Variants in SEMA6D observed in about 807,000 individuals in gnomAD.
The protein encoded by SEMA6D is semaphorin 6D.
Under a neutral mutation model 106.6 loss-of-function variants are expected in SEMA6D, and 35 were observed. That is an observed-to-expected ratio of 0.33 (90% CI 0.25 to 0.44). The LOEUF (loss-of-function observed/expected upper bound fraction) is 0.44, where lower values mean the gene tolerates loss of function less well. Among genes scored for constraint, SEMA6D ranks in the 20% least tolerant of loss-of-function variants. SEMA6D has a pLI of 1.00. For synonymous variants in SEMA6D, 499 were observed against 487.7 expected (o/e 1.02, Z -0.31); for missense variants, 1,185 against 1,345.9 (o/e 0.88, Z 1.87).
At chr15:47,764,404 A>G (rs1438791207) in intron 11 of SEMA6D, 99 bp downstream of exon 11, 10 of 1,419,892 alleles carry the variant, frequency 7.0e-6, no homozygotes. Flanking sequence ...CTCCCACACC[A>G]GGAAGGGGTC....
At chr15:47,481,828 G>A (rs2043161434) in intron 3 of SEMA6D, among the ~76,000 whole-genome samples, 1 of 152,090 alleles carries the variant, frequency 6.6e-6, no homozygotes, top group African/African-American at 2.4e-5. Context: ...CTCTATATTT[G>A]TATACAAAAT....
intron 4 of SEMA6D, among the ~76,000 whole-genome samples, chr15:47,710,238 A>G (rs1280694897): frequency 2.6e-5 from 4 of 152,332 alleles, no homozygotes; most frequent in Non-Finnish European, 5.9e-5. Context: ...TATCTCAATG[A>G]TATAAGAGAC....
chr15:47,312,696 A>G lies in SEMA6D; in HGVS notation c.-238-99697A>G, dbSNP rs193058295. On this transcript the variant is annotated intron_variant, in intron 1 of 19. Coordinates refer to the SEMA6D transcript ENST00000558014. ...CTCTAATATCTATATTAAAAAGATA[A>G]ATTAAAACAGGAGAACATAATTTAA... 6.4e-4 allele frequency among the ~76,000 whole-genome samples: 98 copies of G among 152,330 alleles called. 1 individual carries two copies. The highest frequency in any genetic ancestry group is 2.9e-3 in the Admixed American group (45 of 15,298).
intron 4 of SEMA6D, chr15:47,604,196 A>G (rs1469909352): frequency 1.3e-5 from 2 of 152,218 alleles, no homozygotes; most frequent in African/African-American, 2.4e-5. Context: ...CTGAAAGGAT[A>G]AAGATCAAAA....
intron 1 of SEMA6D, among the ~76,000 whole-genome samples, chr15:47,343,111 C>T (rs954459254): frequency 1.3e-5 from 2 of 152,048 alleles, no homozygotes; most frequent in African/African-American, 2.4e-5. Flanking sequence ...CCTCATCTAT[C>T]TATACTTTAA....
chr15:47,557,566 A>G (rs1191877887), intron 3 of SEMA6D, among the ~76,000 whole-genome samples: 2 of 152,152 alleles, frequency 1.3e-5, no homozygotes, highest in Non-Finnish European at 2.9e-5. Context: ...CTGAATTCCA[A>G]TCTTTATAAT....
intron 1 of SEMA6D, among the ~76,000 whole-genome samples, chr15:47,723,498 T>A (rs1272220370): frequency 6.6e-6 from 1 of 152,180 alleles, no homozygotes; most frequent in Non-Finnish European, 1.5e-5. Flanking sequence ...ATGGGCCCCA[T>A]CAGCAAAGAC....
chr15:47,438,310 C>T (rs1000175979), intron 2 of SEMA6D, among the ~76,000 whole-genome samples: 2 of 152,082 alleles, frequency 1.3e-5, no homozygotes, highest in African/African-American at 4.8e-5. Flanking sequence ...CCTAAGTCAT[C>T]GCTCTTCTTT....
At chr15:47,661,771 C>A (rs1184093996) in intron 4 of SEMA6D, among the ~76,000 whole-genome samples, 1 of 152,138 alleles carries the variant, frequency 6.6e-6, no homozygotes, top group Non-Finnish European at 1.5e-5. Flanking sequence ...GTCAAAAGTG[C>A]GGGCAGGAGT....
In SEMA6D at chr15:47,521,862, G is replaced by A. The variant is rs1020865741; in HGVS notation, c.-87+51317G>A. Among the ~76,000 whole-genome samples the A allele has an allele frequency of 2.0e-5, 3 of 152,158 alleles. No homozygotes were observed. The South Asian group carries it at 6.2e-4, about 32-fold the overall frequency. ...TAGCCGGGCATGGTGGTGGGCGCCT[G>A]TAGTCCCAGCTACTCGGGAGGCTGA... On this transcript the variant is annotated intron_variant, in intron 3 of 19. Transcript: ENST00000558014.
chr15:47,766,639 C>T lies in SEMA6D; in HGVS notation c.1670C>T (p.Thr557Ile). ...AGTGCTGAAGGATATGAACAAGACA[C>T]AGAATTCGGCAACACAGCTCATCTA... ...GMLAEGYEQD[T>I]EFGNTAHLGD... Residue 557 changes from threonine to isoleucine, a missense_variant, in exon 16 of 19, where the codon ACA becomes ATA. Coordinates refer to ENST00000536845, the MANE Select transcript of SEMA6D (RefSeq NM_001358351.3). 2 of 1,612,874 alleles carry T rather than the reference C, an allele frequency of 1.2e-6. No homozygotes were observed. The highest frequency in any genetic ancestry group is 2.2e-5 in the East Asian group (1 of 44,808).
chr15:47,671,262 C>A (rs1256744376), intron 4 of SEMA6D, among the ~76,000 whole-genome samples: 1 of 152,020 alleles, frequency 6.6e-6, no homozygotes, highest in Non-Finnish European at 1.5e-5. Context: ...ATAGGGTTTC[C>A]AAGAGAGCTG....
chr15:47,445,479 C>T (rs2042002280), intron 2 of SEMA6D, among the ~76,000 whole-genome samples: 1 of 152,070 alleles, frequency 6.6e-6, no homozygotes, highest in Non-Finnish European at 1.5e-5. Context: ...AGCAACTCTT[C>T]ATTTTAACCT....
intron 4 of SEMA6D, among the ~76,000 whole-genome samples, chr15:47,676,761 CAG>C (rs567208213): frequency 3.3e-5 from 5 of 152,188 alleles, no homozygotes; most frequent in Non-Finnish European, 7.3e-5. Context: ...GATCTTGAAA[CAG>C]ATATTCATTA....
chr15:47,401,267 T>C (rs1439026751), intron 1 of SEMA6D, among the ~76,000 whole-genome samples: 1 of 152,202 alleles, frequency 6.6e-6, no homozygotes, highest in Non-Finnish European at 1.5e-5. Flanking sequence ...TAATCCCACA[T>C]TTCTTATAGA....
chr15:47,328,797 C>T (rs1481687255), intron 1 of SEMA6D, among the ~76,000 whole-genome samples: 2 of 152,202 alleles, frequency 1.3e-5, no homozygotes, highest in African/African-American at 4.8e-5. Context: ...AGAAATGGCC[C>T]ACCAAAGAGA....
chr15:47,722,944 C>T (rs2079509548), intron 1 of SEMA6D, among the ~76,000 whole-genome samples: 1 of 152,144 alleles, frequency 6.6e-6, no homozygotes, highest in African/African-American at 2.4e-5. Flanking sequence ...TGCTGAGAAG[C>T]TGTCATTTTC....
intron 4 of SEMA6D, among the ~76,000 whole-genome samples, chr15:47,665,241 CTT>C (rs1412379162): frequency 6.6e-6 from 1 of 152,158 alleles, no homozygotes; most frequent in Non-Finnish European, 1.5e-5. Context: ...AATCTATTCT[CTT>C]TCTTTTTTCT....
chr15:47,419,649 T>G (rs1019102031), intron 2 of SEMA6D, among the ~76,000 whole-genome samples: 1 of 152,242 alleles, frequency 6.6e-6, no homozygotes, highest in East Asian at 1.9e-4. Flanking sequence ...AAAAGCTATC[T>G]CTTGAAAGGG....
Sources: allele counts gnomAD v4.1 joint callset (sites outside exome capture counted in the v4.1 genomes callset), GRCh38; gene constraint gnomAD v4.1.1; transcripts MANE v1.5; gene names NCBI Gene and HGNC (gene_info 2026-07-23, HGNC 2026-07-21).